ANKS1B: variants seen among roughly 807,000 people sequenced by gnomAD.
The protein encoded by ANKS1B is ankyrin repeat and sterile alpha motif domain containing 1B.
In ANKS1B, 36 loss-of-function variants were observed where a neutral mutation model predicts 148.3. The ratio of observed to expected loss-of-function variants is 0.24; its 90% CI spans 0.19 to 0.32. The LOEUF is 0.32. ANKS1B is among the 10% of genes least tolerant of loss of function. The probability of loss-of-function intolerance (pLI) is 1.00; values close to 1 mark genes in which losing one functional copy is unlikely to be tolerated. For missense variants in ANKS1B, 1,157 were observed against 1,542.6 expected (o/e 0.75, Z 4.19); for synonymous variants, 542 against 560.8 (o/e 0.97, Z 0.47).
chr12:99,607,695 T>C (rs1370072157), intron 9 of ANKS1B, among the ~76,000 whole-genome samples: 2 of 152,122 alleles, frequency 1.3e-5, no homozygotes, highest in Non-Finnish European at 2.9e-5. Context: ...AGAAGGCTTC[T>C]GAGACTTTTC....
chr12:99,251,643 T>TCTTTTTATCCAC (rs1387496249), intron 12 of ANKS1B, among the ~76,000 whole-genome samples: 1 of 152,208 alleles, frequency 6.6e-6, no homozygotes, highest in African/African-American at 2.4e-5. Context: ...CAGTTCAATC[T>TCTTTTTATCCAC]CTTTTTATCC....
chr12:99,712,760 A>G (rs2056808909), intron 8 of ANKS1B, among the ~76,000 whole-genome samples: 1 of 152,206 alleles, frequency 6.6e-6, no homozygotes, highest in Admixed American at 6.5e-5. Context: ...GAGAAAATAG[A>G]AGGGGAAAAA....
intron 19 of ANKS1B, among the ~76,000 whole-genome samples, chr12:98,816,522 C>T (rs2099142370): frequency 3.9e-5 from 6 of 152,114 alleles, no homozygotes; most frequent in Admixed American, 3.9e-4. Flanking sequence ...GGACTCCTGG[C>T]CTTATAGGAT....
chr12:98,839,971 A>G (rs556333612), intron 17 of ANKS1B, among the ~76,000 whole-genome samples: 1 of 152,240 alleles, frequency 6.6e-6, no homozygotes, highest in African/African-American at 2.4e-5. Flanking sequence ...CTAGGCGCTG[A>G]AAAGTCAGAT....
intron 9 of ANKS1B, 63 bp from the exon 10 acceptor site, chr12:99,504,704 A>G (rs1301231434): frequency 8.0e-7 from 1 of 1,254,074 alleles, no homozygotes; most frequent in African/African-American, 1.5e-5. Context: ...TAATTTATAA[A>G]AACTAGAAAA....
At chr12:99,915,852 C>CTCCT (rs1673441403) in intron 1 of ANKS1B, among the ~76,000 whole-genome samples, 2 of 152,188 alleles carry the variant, frequency 1.3e-5, no homozygotes, top group South Asian at 4.1e-4. Flanking sequence ...CCATGACTCT[C>CTCCT]TCCTATCTTC....
chr12:99,214,528 T>C (rs776701235), intron 14 of ANKS1B, among the ~76,000 whole-genome samples: 44 of 152,224 alleles, frequency 2.9e-4, no homozygotes, highest in Non-Finnish European at 5.1e-4. Context: ...TTGCCTGCCA[T>C]CACGTAAGAC....
chr12:99,705,136 A>G (rs1360038455), intron 8 of ANKS1B, among the ~76,000 whole-genome samples: 1 of 152,142 alleles, frequency 6.6e-6, no homozygotes, highest in East Asian at 1.9e-4. Flanking sequence ...AATAGCAACT[A>G]TGTGAAAGAA....
At chr12:99,459,342 C>A (rs1418696413) in intron 10 of ANKS1B, among the ~76,000 whole-genome samples, 1 of 152,036 alleles carries the variant, frequency 6.6e-6, no homozygotes, top group Non-Finnish European at 1.5e-5. Flanking sequence ...CCCCTGAGAA[C>A]TGGAACAAGA....
rs56107230 is a variant in ANKS1B at position 99,495,342 on chromosome 12, A to AGTGTGTGTGTGT, written c.1438+9122_1438+9133dup. 5.6e-3 allele frequency among the ~76,000 whole-genome samples: 810 copies of AGTGTGTGTGTGT among 145,382 alleles called. 5 individuals carry two copies. The highest frequency in any genetic ancestry group is 0.018 in the African/African-American group (719 of 39,224). ...ACAAAATTGATTTCAGGGGAGAAAA[A>AGTGTGTGTGTGT]GTGTGTGTGTGTGTGTGTGTGTGTG... On this transcript the variant is annotated intron_variant, in intron 10 of 26. Coordinates refer to ENST00000683438, the MANE Select transcript of ANKS1B (RefSeq NM_001352186.2).
chr12:98,785,730 T>A (rs769647953), intron 22 of ANKS1B, among the ~76,000 whole-genome samples: 1 of 152,190 alleles, frequency 6.6e-6, no homozygotes, highest in Non-Finnish European at 1.5e-5. Flanking sequence ...AACATCAAGT[T>A]ACTGAGCACG....
intron 19 of ANKS1B, among the ~76,000 whole-genome samples, chr12:98,808,878 G>A (rs562741743): frequency 6.6e-6 from 1 of 152,264 alleles, no homozygotes; most frequent in African/African-American, 2.4e-5. Context: ...GCATTCACAA[G>A]CAGTCCGTAC....
rs201120263 is a variant in ANKS1B, at chr12:99,648,586, C to G, written c.1272+6481G>C. The G allele has an allele frequency of 5.3e-5, 85 of 1,614,210 alleles. 1 individual carries two copies. In the East Asian group the frequency reaches 9.1e-4, roughly 17 times the overall value. On this transcript the variant is annotated intron_variant, in intron 9 of 26. Coordinates refer to ENST00000683438, the MANE Select transcript of ANKS1B (RefSeq NM_001352186.2). Reference sequence around the variant, plus strand: ...CATCCACAACAGCGTAAAAAAACAGCTCCACCTGAAGCTTGCCACGGGCCG... The same window carrying G: ...CATCCACAACAGCGTAAAAAAACAGGTCCACCTGAAGCTTGCCACGGGCCG...
At chr12:98,779,117 CCTT>C (rs2098709618) in intron 24 of ANKS1B, among the ~76,000 whole-genome samples, 1 of 152,170 alleles carries the variant, frequency 6.6e-6, no homozygotes, top group Non-Finnish European at 1.5e-5. Context: ...AATATGCTGA[CCTT>C]CTTTATTTAG....
chr12:99,574,409 C>A (rs2097495193), intron 9 of ANKS1B, among the ~76,000 whole-genome samples: 1 of 152,050 alleles, frequency 6.6e-6, no homozygotes, highest in Non-Finnish European at 1.5e-5. Flanking sequence ...TCCTACACAA[C>A]AGGCTGCTAT....
At chr12:99,957,407 C>T (rs144029360) in intron 1 of ANKS1B, among the ~76,000 whole-genome samples, 1 of 152,298 alleles carries the variant, frequency 6.6e-6, no homozygotes, top group East Asian at 1.9e-4. Flanking sequence ...CTTACCACTG[C>T]CTCTCCCAAA....
At chr12:98,776,437 G>T (rs1282634614) in intron 24 of ANKS1B, among the ~76,000 whole-genome samples, 1 of 152,218 alleles carries the variant, frequency 6.6e-6, no homozygotes, top group Admixed American at 6.5e-5. Context: ...GAACTGGGGA[G>T]GGGCTCCTCC....
intron 17 of ANKS1B, among the ~76,000 whole-genome samples, chr12:98,857,457 G>A (rs1482435460): frequency 6.6e-6 from 1 of 152,134 alleles, no homozygotes; most frequent in Non-Finnish European, 1.5e-5. Flanking sequence ...AGTGGGAAGG[G>A]ACCCAGAGCA....
intron 10 of ANKS1B, among the ~76,000 whole-genome samples, chr12:99,454,988 C>T (rs2095821652): frequency 6.6e-6 from 1 of 151,840 alleles, no homozygotes; most frequent in African/African-American, 2.4e-5. Flanking sequence ...ATCAGTAATC[C>T]GTGGATTCTC....
Sources: gnomAD v4.1 joint callset for allele counts (sites outside exome capture counted in the v4.1 genomes callset) on GRCh38, gnomAD v4.1.1 for gene constraint, MANE v1.5 for transcripts, NCBI Gene and HGNC (gene_info 2026-07-23, HGNC 2026-07-21) for gene names.